The following B3GALT1 variants were observed in gnomAD, a reference collection of about 807,000 sequenced individuals.
B3GALT1 encodes the protein UDP-Gal:betaGlcNAc beta 1,3-galactosyltransferase, polypeptide 1.
A neutral mutation model predicts 23.2 loss-of-function variants in B3GALT1; 10 were observed. The ratio of observed to expected loss-of-function variants is 0.43; its 90% CI spans 0.27 to 0.73. The LOEUF is 0.73. B3GALT1 is among the 30% of genes least tolerant of loss of function. The pLI, the probability that B3GALT1 is intolerant of heterozygous loss-of-function variation, is 0.21. For synonymous variants in B3GALT1, 156 were observed against 141.5 expected (o/e 1.10, Z -0.73); for missense variants, 299 against 405.4 (o/e 0.74, Z 2.25).
At chr2:167,496,946 C>CGATA (rs1699790977) in intron 2 of B3GALT1, among the ~76,000 whole-genome samples, 1 of 152,050 alleles carries the variant, frequency 6.6e-6, no homozygotes, top group African/African-American at 2.4e-5. Context: ...TTTCTCCTTG[C>CGATA]GATAGTTAAA....
rs114229931 is a variant in B3GALT1, at chr2:167,707,175, A to G, written c.-352+60209A>G. Among the ~76,000 whole-genome samples the G allele has an allele frequency of 3.7e-3, 557 of 152,312 alleles. 3 individuals carry two copies. The highest frequency in any genetic ancestry group is 0.013 in the African/African-American group (531 of 41,570). On this transcript the variant is annotated intron_variant, in intron 3 of 4. Transcript: ENST00000392690. ...GAGCCACCTTGAGAGTGGACTCTCC[A>G]TGCCCCAAAGAAGCACCCAAGATGA...
At chr2:167,752,693 C>T (rs983306636) in intron 3 of B3GALT1, among the ~76,000 whole-genome samples, 4 of 150,430 alleles carry the variant, frequency 2.7e-5, no homozygotes, top group African/African-American at 9.8e-5. Context: ...ATTAACATCT[C>T]CTAGGTGAAC....
At chr2:167,832,179 A>G (rs1689366348) in intron 4 of B3GALT1, among the ~76,000 whole-genome samples, 1 of 152,222 alleles carries the variant, frequency 6.6e-6, no homozygotes, top group South Asian at 2.1e-4. Context: ...ATGTTCAACC[A>G]TTTTTAAGCT....
chr2:167,601,852 T>G (rs73013393), intron 2 of B3GALT1, among the ~76,000 whole-genome samples: 2,737 of 152,330 alleles, frequency 0.018, 89 homozygotes, highest in African/African-American at 0.055. Context: ...CACTCAGCAG[T>G]GAACATGAAA....
At chr2:167,858,244 C>T (rs987374976) in intron 4 of B3GALT1, among the ~76,000 whole-genome samples, 4 of 149,702 alleles carry the variant, frequency 2.7e-5, no homozygotes, top group Non-Finnish European at 5.9e-5. Flanking sequence ...CAGTGCAAGA[C>T]TTTTTAATAT....
At chr2:167,735,486 T>C (rs1228220522) in intron 3 of B3GALT1, among the ~76,000 whole-genome samples, 1 of 152,216 alleles carries the variant, frequency 6.6e-6, no homozygotes, top group African/African-American at 2.4e-5. Flanking sequence ...TGCTTTGCTG[T>C]CTTAGCAGGA....
intron 3 of B3GALT1, among the ~76,000 whole-genome samples, chr2:167,726,656 T>C (rs1030740746): frequency 6.6e-6 from 1 of 152,190 alleles, no homozygotes; most frequent in Non-Finnish European, 1.5e-5. Flanking sequence ...GAGATAAAAA[T>C]CATTATCCCC....
chr2:167,628,938 G>A (rs186147155), intron 2 of B3GALT1, among the ~76,000 whole-genome samples: 1 of 151,708 alleles, frequency 6.6e-6, no homozygotes, highest in East Asian at 1.9e-4. Flanking sequence ...TACTTGCATA[G>A]GGCACATGGT....
chr2:167,500,414 T>C (rs916485436), intron 2 of B3GALT1, among the ~76,000 whole-genome samples: 1 of 152,172 alleles, frequency 6.6e-6, no homozygotes, highest in Admixed American at 6.6e-5. Context: ...CTTTAAATGA[T>C]AACTAATGAG....
intron 3 of B3GALT1, chr2:167,715,063 G>T: frequency 1.9e-6 from 3 of 1,612,066 alleles, no homozygotes; most frequent in South Asian, 1.1e-5. Flanking sequence ...TAATAATGTG[G>T]TTTCTTTCTC....
intron 3 of B3GALT1, among the ~76,000 whole-genome samples, chr2:167,669,272 G>A (rs1487655751): frequency 6.6e-6 from 1 of 152,060 alleles, no homozygotes; most frequent in Non-Finnish European, 1.5e-5. Context: ...TAGGCTAGTG[G>A]CATCATTTGA....
intron 1 of B3GALT1, among the ~76,000 whole-genome samples, chr2:167,336,626 T>C (rs1393554984): frequency 6.6e-6 from 1 of 152,198 alleles, no homozygotes; most frequent in Non-Finnish European, 1.5e-5. Flanking sequence ...TTATCTACTT[T>C]TAAAATATAG....
Position 167,363,520 on chromosome 2 carries a change from A to T in B3GALT1, c.-511+70186A>T, listed in dbSNP as rs191986915. Reference sequence around the variant, plus strand: ...AATCGTCCAGTACATCTCAAGTTGCATACATTCCTACCTCATTTTCTATTT... The same window carrying T: ...AATCGTCCAGTACATCTCAAGTTGCTTACATTCCTACCTCATTTTCTATTT... On this transcript the variant is annotated intron_variant, in intron 1 of 4. Transcript: ENST00000392690. 5.3e-5 allele frequency among the ~76,000 whole-genome samples: 8 copies of T among 152,200 alleles called. No homozygotes were observed. The East Asian group carries it at 1.6e-3, about 30-fold the overall frequency.
intron 1 of B3GALT1, among the ~76,000 whole-genome samples, chr2:167,308,601 T>C (rs1442126657): frequency 2.0e-5 from 3 of 151,986 alleles, no homozygotes; most frequent in Non-Finnish European, 4.4e-5. Context: ...ATTTGGCTAC[T>C]ACTATCTAAT....
At chr2:167,757,043 T>C (rs1687829545) in intron 3 of B3GALT1, among the ~76,000 whole-genome samples, 2 of 152,210 alleles carry the variant, frequency 1.3e-5, no homozygotes, top group African/African-American at 2.4e-5. Flanking sequence ...GACAAGTTAC[T>C]TATTCTCTCA....
chr2:167,293,853 C>T (rs1014002460), intron 1 of B3GALT1, among the ~76,000 whole-genome samples: 1 of 144,934 alleles, frequency 6.9e-6, no homozygotes, highest in East Asian at 2.1e-4. Flanking sequence ...CACTTTGCCC[C>T]GGGGACTTCG....
At chr2:167,785,907 G>C (rs1688336138) in intron 3 of B3GALT1, among the ~76,000 whole-genome samples, 1 of 152,128 alleles carries the variant, frequency 6.6e-6, no homozygotes, top group African/African-American at 2.4e-5. Flanking sequence ...TCACCCTTGG[G>C]ATTTTTCTAC....
intron 4 of B3GALT1, among the ~76,000 whole-genome samples, chr2:167,821,068 AGAGCC>A (rs1689095394): frequency 6.6e-6 from 1 of 152,218 alleles, no homozygotes; most frequent in African/African-American, 2.4e-5. Context: ...CCAAGAGCTA[AGAGCC>A]TCTATCCTTT....
intron 3 of B3GALT1, among the ~76,000 whole-genome samples, chr2:167,736,785 G>T (rs12692864): frequency 0.51 from 77,878 of 151,730 alleles, 21,613 homozygotes; most frequent in Non-Finnish European, 0.63. Context: ...ACATGAAAAA[G>T]TAGCCGGGTG....
Sources: allele counts gnomAD v4.1 joint callset (sites outside exome capture counted in the v4.1 genomes callset), GRCh38; gene constraint gnomAD v4.1.1; transcripts MANE v1.5; gene names NCBI Gene and HGNC (gene_info 2026-07-23, HGNC 2026-07-21).